The following APBA1 variants were observed in gnomAD, a reference collection of about 807,000 sequenced individuals.
APBA1 encodes the protein amyloid-beta A4 precursor protein-binding family A member 1.
APBA1 carries 55 observed loss-of-function variants against 86.6 expected under a neutral mutation model. The observed-to-expected ratio is 0.64, with a 90% CI of 0.51 to 0.80. The LOEUF is 0.80. Ranked by LOEUF, APBA1 falls within the 30% of genes least tolerant of loss-of-function variation. The probability of loss-of-function intolerance (pLI) is 0.00; values close to 1 mark genes in which losing one functional copy is unlikely to be tolerated. For synonymous variants in APBA1, 511 were observed against 493.9 expected, an observed-to-expected ratio of 1.03 and a Z score of -0.46; for missense variants, 1,090 against 1,183.0, an observed-to-expected ratio of 0.92 and a Z score of 1.15.
intron 1 of APBA1, among the ~76,000 whole-genome samples, chr9:69,608,711 G>A (rs1011036434): frequency 1.6e-4 from 24 of 152,094 alleles, no homozygotes; most frequent in African/African-American, 5.6e-4. Flanking sequence ...GTAATTATAT[G>A]CAATTATCTA....
intron 4 of APBA1, among the ~76,000 whole-genome samples, chr9:69,470,337 G>T (rs1173763602): frequency 1.3e-5 from 2 of 152,144 alleles, no homozygotes; most frequent in Non-Finnish European, 2.9e-5. Flanking sequence ...TCGGAACATG[G>T]TTTCCCTTTA....
intron 11 of APBA1, among the ~76,000 whole-genome samples, chr9:69,436,759 C>A (rs1834730859): frequency 6.6e-6 from 1 of 152,074 alleles, no homozygotes; most frequent in Non-Finnish European, 1.5e-5. Context: ...TAATTGAATG[C>A]CCTTTATTTC....
intron 1 of APBA1, among the ~76,000 whole-genome samples, chr9:69,658,346 C>CTTTCTTTCTTTCT (rs1564105161): frequency 1.0e-4 from 14 of 139,668 alleles, no homozygotes; most frequent in Non-Finnish European, 2.0e-4. Flanking sequence ...TTCTTTCTTT[C>CTTTCTTTCTTTCT]TTTCTTTCTT....
chr9:69,643,688 C>T (rs7851932), intron 1 of APBA1, among the ~76,000 whole-genome samples: 11,262 of 152,248 alleles, frequency 0.074, 468 homozygotes, highest in South Asian at 0.12. Flanking sequence ...AAGAATCCGA[C>T]GGATTCGTCT....
intron 1 of APBA1, among the ~76,000 whole-genome samples, chr9:69,523,887 T>G (rs1452326105): frequency 1.3e-5 from 2 of 152,146 alleles, no homozygotes; most frequent in Admixed American, 1.3e-4. Flanking sequence ...CCAGCCATAT[T>G]CTTGGATCAC....
intron 2 of APBA1, among the ~76,000 whole-genome samples, chr9:69,513,001 C>G (rs1378436022): frequency 1.3e-5 from 2 of 152,076 alleles, no homozygotes; most frequent in African/African-American, 4.8e-5. Context: ...ATTAAAGAGG[C>G]AGCAAAGGAA....
chr9:69,541,261 C>A (rs1330707523), intron 1 of APBA1, among the ~76,000 whole-genome samples: 1 of 147,178 alleles, frequency 6.8e-6, no homozygotes, highest in African/African-American at 2.5e-5. Context: ...ACCCCCCCCC[C>A]CATTCTGTTT....
intron 1 of APBA1, among the ~76,000 whole-genome samples, chr9:69,568,058 A>G (rs961106373): frequency 6.6e-6 from 1 of 152,180 alleles, no homozygotes; most frequent in Non-Finnish European, 1.5e-5. Flanking sequence ...AGTATGAGAA[A>G]TGACATAGGA....
intron 1 of APBA1, among the ~76,000 whole-genome samples, chr9:69,569,944 G>A (rs558186100): frequency 2.0e-4 from 31 of 152,230 alleles, no homozygotes; most frequent in African/African-American, 7.5e-4. Flanking sequence ...GTAAATTCTT[G>A]TTCCCATGCC....
At chr9:69,520,070 C>T (rs1257899710) in intron 1 of APBA1, among the ~76,000 whole-genome samples, 1 of 152,194 alleles carries the variant, frequency 6.6e-6, no homozygotes, top group African/African-American at 2.4e-5. Context: ...GTATTTTACA[C>T]ACCATCATGT....
At chr9:69,613,682 T>C (rs545823830) in intron 1 of APBA1, among the ~76,000 whole-genome samples, 28 of 152,278 alleles carry the variant, frequency 1.8e-4, no homozygotes, top group South Asian at 8.3e-4. Flanking sequence ...AGAAAGGCAG[T>C]TACCCTCCAA....
chr9:69,638,170 CAT>C (rs548002213), intron 1 of APBA1, among the ~76,000 whole-genome samples: 68 of 152,296 alleles, frequency 4.5e-4, no homozygotes, highest in African/African-American at 8.4e-4. Flanking sequence ...GTACAGGTAA[CAT>C]ATTTTAAATG....
At chr9:69,539,443 C>T (rs370395091) in intron 1 of APBA1, among the ~76,000 whole-genome samples, 14 of 152,284 alleles carry the variant, frequency 9.2e-5, no homozygotes, top group East Asian at 7.7e-4. Context: ...AGTCTGTCAG[C>T]AACTCTTGTT....
intron 10 of APBA1, among the ~76,000 whole-genome samples, chr9:69,447,925 T>G (rs1588289284): frequency 6.6e-6 from 1 of 152,078 alleles, no homozygotes; most frequent in South Asian, 2.1e-4. Flanking sequence ...CCACAGCCCC[T>G]CAGCAGTTCT....
intron 1 of APBA1, among the ~76,000 whole-genome samples, chr9:69,532,715 A>C (rs1448461321): frequency 6.6e-6 from 1 of 152,176 alleles, no homozygotes; most frequent in Non-Finnish European, 1.5e-5. Flanking sequence ...GTACAATACC[A>C]AACCTCTTTG....
intron 10 of APBA1, among the ~76,000 whole-genome samples, chr9:69,447,141 C>T (rs1000778973): frequency 2.0e-5 from 3 of 152,142 alleles, no homozygotes; most frequent in Non-Finnish European, 4.4e-5. Flanking sequence ...GGCACTAATC[C>T]CAACCATGAG....
chr9:69,442,196 TGGA>T (rs1564030314), intron 10 of APBA1, among the ~76,000 whole-genome samples: 1 of 152,172 alleles, frequency 6.6e-6, no homozygotes, highest in Admixed American at 6.5e-5. Flanking sequence ...CATTGCCACA[TGGA>T]GGAGAAGGAA....
intron 1 of APBA1, among the ~76,000 whole-genome samples, chr9:69,526,712 C>T (rs7028234): frequency 0.74 from 111,992 of 151,906 alleles, 41,602 homozygotes; most frequent in East Asian, 0.91. Context: ...GCTGGGTATA[C>T]ATCCAAAAGT....
intron 2 of APBA1, among the ~76,000 whole-genome samples, chr9:69,499,084 T>C (rs1263282925): frequency 6.6e-6 from 1 of 152,098 alleles, no homozygotes; most frequent in African/African-American, 2.4e-5. Context: ...ACTTAAAGGG[T>C]ATGCCAGCCC....
Sources: allele counts gnomAD v4.1 joint callset (sites outside exome capture counted in the v4.1 genomes callset), GRCh38; gene constraint gnomAD v4.1.1; transcripts MANE v1.5; gene names NCBI Gene and HGNC (gene_info 2026-07-23, HGNC 2026-07-21).